YAP1: variants seen among roughly 807,000 people sequenced by gnomAD.
YAP1 encodes the protein Yes1 associated transcriptional regulator, also known as transcriptional coactivator YAP1.
Under a neutral mutation model 56.9 loss-of-function variants are expected in YAP1, and 5 were observed. The observed-to-expected ratio is 0.09, with a 90% CI of 0.05 to 0.18. The LOEUF is 0.18. Ranked by LOEUF, YAP1 falls within the 10% of genes least tolerant of loss-of-function variation. The probability of loss-of-function intolerance (pLI) is 1.00; values close to 1 mark genes in which losing one functional copy is unlikely to be tolerated. For missense variants in YAP1, 539 were observed against 651.8 expected, an observed-to-expected ratio of 0.83 and a Z score of 1.88; for synonymous variants, 265 against 248.1, an observed-to-expected ratio of 1.07 and a Z score of -0.64.
At chr11:102,180,448 C>T (rs891391390) in intron 3 of YAP1, among the ~76,000 whole-genome samples, 14 of 150,746 alleles carry the variant, frequency 9.3e-5, no homozygotes, top group Non-Finnish European at 1.8e-4. Flanking sequence ...TTTGGGAGGC[C>T]GAGGCAGGTG....
At chr11:102,147,474 T>A (rs1278803530) in intron 2 of YAP1, among the ~76,000 whole-genome samples, 2 of 152,208 alleles carry the variant, frequency 1.3e-5, no homozygotes, top group African/African-American at 4.8e-5. Context: ...CTGAAATAAA[T>A]CCAGACTCTG....
intron 4 of YAP1, among the ~76,000 whole-genome samples, chr11:102,202,480 A>AT (rs1195978007): frequency 0.015 from 2,113 of 142,306 alleles, 16 homozygotes; most frequent in Non-Finnish European, 0.023. Context: ...CACCTGGCCG[A>AT]TTTTTTTTTT....
chr11:102,209,127 C>T (rs940294762), intron 5 of YAP1, among the ~76,000 whole-genome samples: 2 of 152,156 alleles, frequency 1.3e-5, no homozygotes, highest in African/African-American at 2.4e-5. Context: ...AAAGTAATCA[C>T]AATAAATTCA....
At chr11:102,209,457 C>A in intron 5 of YAP1, 60 bp from the exon 6 acceptor site, 1 of 1,459,550 alleles carries the variant, frequency 6.9e-7, no homozygotes, top group Non-Finnish European at 9.5e-7. Context: ...GTAAGTCAGC[C>A]TACACAGCCA....
intron 3 of YAP1, among the ~76,000 whole-genome samples, chr11:102,174,277 AAT>A (rs1024600236): frequency 6.6e-6 from 1 of 152,068 alleles, no homozygotes; most frequent in South Asian, 2.1e-4. Flanking sequence ...AACCCTGCAA[AAT>A]ATATGTTACC....
chr11:102,150,291 T>A (rs1410116046), intron 2 of YAP1, among the ~76,000 whole-genome samples: 1 of 152,126 alleles, frequency 6.6e-6, no homozygotes, highest in African/African-American at 2.4e-5. Flanking sequence ...GCCTGCTTAC[T>A]ACTTTGCACA....
intron 4 of YAP1, among the ~76,000 whole-genome samples, chr11:102,188,021 A>C (rs1948072460): frequency 6.6e-6 from 1 of 152,156 alleles, no homozygotes; most frequent in African/African-American, 2.4e-5. Flanking sequence ...AGTGTAACTG[A>C]AGGGGGGCAG....
intron 2 of YAP1, among the ~76,000 whole-genome samples, chr11:102,133,922 T>C (rs1361655814): frequency 6.6e-6 from 1 of 152,224 alleles, no homozygotes; most frequent in South Asian, 2.1e-4. Flanking sequence ...TCTCCCTGCA[T>C]GCTCACACGA....
rs569815371 is a variant in YAP1, at chr11:102,216,025, C to T, written c.1032+6461C>T. Among the ~76,000 whole-genome samples, 5 of 152,280 alleles carry T rather than the reference C, an allele frequency of 3.3e-5. No individual in the cohort carries two copies. In the South Asian group the frequency reaches 1.0e-3, roughly 32 times the overall value. On this transcript the variant is annotated intron_variant, in intron 6 of 8. Coordinates refer to ENST00000282441, the MANE Select transcript of YAP1 (RefSeq NM_001130145.3). ...GCGCGCGTGCTAGCGTGAACACACT[C>T]AGATAACAAAGGTTTCAGGAGGCAG...
chr11:102,135,667 C>T (rs1209057342), intron 2 of YAP1, among the ~76,000 whole-genome samples: 1 of 152,148 alleles, frequency 6.6e-6, no homozygotes, highest in Non-Finnish European at 1.5e-5. Flanking sequence ...TTGGTCAGGC[C>T]AATCACCAAG....
rs200031687 is a variant in YAP1 at position 102,114,442 on chromosome 11, T to C, written c.572+48T>C. On this transcript the variant is annotated intron_variant, in intron 2 of 8. Coordinates refer to ENST00000282441, the MANE Select transcript of YAP1 (RefSeq NM_001130145.3). ...GACAGTTATCTAAGACAAATATGTATTGGAAAACACAGTAAAGTGGTGTCA... is the reference window on the plus strand; with the variant it reads ...GACAGTTATCTAAGACAAATATGTACTGGAAAACACAGTAAAGTGGTGTCA... The C allele has an allele frequency of 3.1e-6, 5 of 1,587,924 alleles. No individual in the cohort carries two copies. The African/African-American group carries it at 4.0e-5, about 13-fold the overall frequency.
intron 2 of YAP1, among the ~76,000 whole-genome samples, chr11:102,127,948 C>T (rs2135208740): frequency 6.6e-6 from 1 of 152,280 alleles, no homozygotes; most frequent in Non-Finnish European, 1.5e-5. Context: ...CCCTGTAACC[C>T]CTTTGTTTTG....
At chr11:102,191,128 C>T (rs900311859) in intron 4 of YAP1, among the ~76,000 whole-genome samples, 9 of 151,622 alleles carry the variant, frequency 5.9e-5, no homozygotes, top group African/African-American at 1.7e-4. Context: ...AGCCCAAGAT[C>T]GCACCACTGC....
At chr11:102,219,815 G>A (rs1162228288) in intron 6 of YAP1, among the ~76,000 whole-genome samples, 1 of 151,912 alleles carries the variant, frequency 6.6e-6, no homozygotes, top group Non-Finnish European at 1.5e-5. Context: ...CTAGGCTGGA[G>A]TGCAGTGGCG....
At chr11:102,222,023 G>A (rs187133858) in intron 6 of YAP1, among the ~76,000 whole-genome samples, 74 of 152,038 alleles carry the variant, frequency 4.9e-4, no homozygotes, top group African/African-American at 1.7e-3. Context: ...AAGAAACTCT[G>A]GTTTAAAGGA....
At chr11:102,175,602 A>C (rs1283038493) in intron 3 of YAP1, among the ~76,000 whole-genome samples, 1 of 152,196 alleles carries the variant, frequency 6.6e-6, no homozygotes, top group East Asian at 1.9e-4. Context: ...ATCATAGAGT[A>C]GGCTTACACA....
At chr11:102,144,620 G>T (rs1390311986) in intron 2 of YAP1, among the ~76,000 whole-genome samples, 2 of 152,156 alleles carry the variant, frequency 1.3e-5, no homozygotes, top group African/African-American at 2.4e-5. Flanking sequence ...TTGTGTGCTT[G>T]TAGATTGTTC....
intron 2 of YAP1, among the ~76,000 whole-genome samples, chr11:102,162,246 T>C (rs1946331594): frequency 6.6e-6 from 1 of 152,198 alleles, no homozygotes; most frequent in South Asian, 2.1e-4. Flanking sequence ...TTTTCAGATG[T>C]TGCACTTGTA....
chr11:102,131,806 G>A (rs962116890), intron 2 of YAP1, among the ~76,000 whole-genome samples: 65 of 152,136 alleles, frequency 4.3e-4, no homozygotes, highest in African/African-American at 1.5e-3. Flanking sequence ...TTGTCTTCTG[G>A]ATATAAAGTG....
Sources: allele counts gnomAD v4.1 joint callset (sites outside exome capture counted in the v4.1 genomes callset), GRCh38; gene constraint gnomAD v4.1.1; transcripts MANE v1.5; gene names NCBI Gene and HGNC (gene_info 2026-07-23, HGNC 2026-07-21).